The following POC5 variants were observed in gnomAD, a reference collection of about 807,000 sequenced individuals.
POC5 encodes the protein centrosomal protein POC5.
POC5 carries 48 observed loss-of-function variants against 62.9 expected under a neutral mutation model. The observed-to-expected ratio is 0.76, with a 90% CI of 0.61 to 0.97. The LOEUF (loss-of-function observed/expected upper bound fraction) is 0.97, where lower values mean the gene tolerates loss of function less well. Among genes scored for constraint, POC5 ranks in the 50% least tolerant of loss-of-function variants. The pLI, the probability that POC5 is intolerant of heterozygous loss-of-function variation, is 0.00. For synonymous variants in POC5, 236 were observed against 228.2 expected, an observed-to-expected ratio of 1.03 and a Z score of -0.31; for missense variants, 696 against 679.5, an observed-to-expected ratio of 1.02 and a Z score of -0.27.
rs755213651 is a variant in POC5, at chr5:75,690,421, T to C, written c.937A>G (p.Ile313Val). The change falls in exon 8 of 12, where the codon ATC becomes GTC. Residue 313 changes from isoleucine to valine, a missense_variant. Ile to Val is a conservative substitution (Grantham distance 29). Coordinates refer to ENST00000428202, the MANE Select transcript of POC5 (RefSeq NM_001099271.2). ...GCTTCATAATCATTGGAAATCTGGATACAAACTTCTTCAGCTCTTGCTTGA... is the reference window on the plus strand; with the variant it reads ...GCTTCATAATCATTGGAAATCTGGACACAAACTTCTTCAGCTCTTGCTTGA... ...ACQARAEEVC[I>V]QISNDYEAKV... The C allele has an allele frequency of 3.1e-6, 5 of 1,612,186 alleles. No individual in the cohort carries two copies. The highest frequency in any genetic ancestry group is 4.2e-6 in the Non-Finnish European group (5 of 1,179,204).
chr5:75,674,511 G>C lies in POC5; in HGVS notation c.1652C>G (p.Ala551Gly). The C allele has an allele frequency of 6.2e-7, 1 of 1,613,962 alleles. No homozygotes were observed. Residue 551 changes from alanine (A) to glycine (G), a missense_variant, in exon 12 of 12, where the codon GCT becomes GGT. Coordinates refer to ENST00000428202, the MANE Select transcript of POC5 (RefSeq NM_001099271.2). ...RTIHPESSTS[A>G]SRSLGTRSAH... The stretch of plus-strand genomic sequence containing the variant: ...TGATCTGGTTCCAAGTGATCTGGAA[G>C]CTGAGGTACTACTTTCAGGATGAAT...
chr5:75,693,037 A>C (rs1474513342), intron 6 of POC5, among the ~76,000 whole-genome samples: 1 of 148,300 alleles, frequency 6.7e-6, no homozygotes, highest in Non-Finnish European at 1.5e-5. Flanking sequence ...TATATATTAT[A>C]TATGTTATAT....
chr5:75,692,566 T>A, intron 6 of POC5, 66 bp from the exon 7 acceptor site: 1 of 1,155,672 alleles, frequency 8.7e-7, no homozygotes, highest in Admixed American at 2.2e-5. Context: ...AGTGATTTTC[T>A]CATATATCAA....
chr5:75,682,350 G>A (rs1580001922), intron 10 of POC5, among the ~76,000 whole-genome samples: 1 of 152,148 alleles, frequency 6.6e-6, no homozygotes, highest in Non-Finnish European at 1.5e-5. Context: ...CTAGCTCCGC[G>A]TGTGTTAACT....
At chr5:75,682,528 T>TTG (rs1254542298) in intron 10 of POC5, among the ~76,000 whole-genome samples, 2 of 150,432 alleles carry the variant, frequency 1.3e-5, no homozygotes, top group Non-Finnish European at 3.0e-5. Context: ...TTTTTTTTTT[T>TTG]TTTTTGAGAC....
Position 75,702,701 on chromosome 5 carries a change from T to A in POC5, c.417A>T (p.Thr139=). The A allele has an allele frequency of 6.2e-7, 1 of 1,610,868 alleles. No homozygotes were observed. Among genetic ancestry groups the A allele is most frequent in the South Asian group, 1.1e-5 (1 of 90,176 alleles). The change falls in exon 5 of 12, where the codon ACA becomes ACT. Residue 139 remains threonine, a synonymous_variant. Transcript: ENST00000428202. ...SSSPATNSSH[T]DAHEILVSDF... Reference sequence around the variant, plus strand: ...CGCTCACAAGTATTTCATGGGCATCTGTATGACTAGAATTTGTTGCTGGTG... The same window carrying A: ...CGCTCACAAGTATTTCATGGGCATCAGTATGACTAGAATTTGTTGCTGGTG...
At chr5:75,686,292 G>T (rs1328264580) in intron 9 of POC5, among the ~76,000 whole-genome samples, 2 of 152,192 alleles carry the variant, frequency 1.3e-5, no homozygotes, top group African/African-American at 4.8e-5. Context: ...AAACAGTGTG[G>T]TGAGGGTTTA....
intron 3 of POC5, 50 bp downstream of exon 3, chr5:75,707,687 A>C: frequency 7.3e-7 from 1 of 1,367,118 alleles, no homozygotes; most frequent in Non-Finnish European, 1.0e-6. Flanking sequence ...TATCATTAAT[A>C]AACTCAGTAA....
chr5:75,689,842 T>A (rs1241899264), intron 8 of POC5, among the ~76,000 whole-genome samples: 1 of 152,218 alleles, frequency 6.6e-6, no homozygotes, highest in Admixed American at 6.5e-5. Context: ...ATGAAAACAA[T>A]GTTAATTTTA....
At chr5:75,678,385 T>TA (rs1224160500) in intron 10 of POC5, among the ~76,000 whole-genome samples, 21 of 152,052 alleles carry the variant, frequency 1.4e-4, no homozygotes, top group Non-Finnish European at 3.1e-4. Flanking sequence ...AAGTTCCTGT[T>TA]AACTATCACT....
chr5:75,685,647 A>G (rs1276697864), intron 9 of POC5, among the ~76,000 whole-genome samples, 163 bp from the exon 10 acceptor site: 1 of 152,240 alleles, frequency 6.6e-6, no homozygotes, highest in Non-Finnish European at 1.5e-5. Context: ...TGTCAGTATT[A>G]ACTGGTTAAT....
At chr5:75,705,648 T>A in intron 4 of POC5, 56 bp downstream of exon 4, 1 of 1,087,670 alleles carries the variant, frequency 9.2e-7, no homozygotes. Context: ...TAGATAATAT[T>A]CATCAAACCA....
intron 5 of POC5, among the ~76,000 whole-genome samples, chr5:75,698,760 A>G (rs949540708): frequency 6.6e-6 from 1 of 152,096 alleles, no homozygotes; most frequent in East Asian, 1.9e-4. Flanking sequence ...AACCCTTCAA[A>G]AAATTAATGA....
At chr5:75,691,654 G>A (rs1006229232) in intron 7 of POC5, among the ~76,000 whole-genome samples, 5 of 151,550 alleles carry the variant, frequency 3.3e-5, no homozygotes, top group Non-Finnish European at 7.4e-5. Context: ...CTAATCTCTT[G>A]GAAACTAAAT....
At position 75,683,671 on chromosome 5, in the gene POC5, G is replaced by A. The variant is rs553298370; in HGVS notation, c.1407+1536C>T. 3.3e-5 allele frequency among the ~76,000 whole-genome samples: 5 copies of A among 150,794 alleles called. No homozygotes were observed. In the East Asian group the frequency reaches 9.8e-4, roughly 30 times the overall value. ...TTAACAACAGGAGGCTAAGGAGTTAGAGCCACGATGTGCTTCATCTGAAAC... is the reference window on the plus strand; with the variant it reads ...TTAACAACAGGAGGCTAAGGAGTTAAAGCCACGATGTGCTTCATCTGAAAC... On this transcript the variant is annotated intron_variant, in intron 10 of 11. Coordinates refer to ENST00000428202, the MANE Select transcript of POC5 (RefSeq NM_001099271.2).
chr5:75,676,550 GA>G (rs869072192), intron 11 of POC5, among the ~76,000 whole-genome samples: 2 of 150,992 alleles, frequency 1.3e-5, no homozygotes, highest in Non-Finnish European at 3.0e-5. Context: ...TAGTACTCGG[GA>G]AAAAAGGATT....
Position 75,690,498 on chromosome 5 carries a change from A to G in POC5, c.860T>C (p.Val287Ala). The G allele has an allele frequency of 1.2e-6, 2 of 1,605,600 alleles. No homozygotes were observed. The highest frequency in any genetic ancestry group is 4.5e-5 in the East Asian group (2 of 44,808). Reference protein sequence around the residue: ...QRTLLKKVWKVWRSVVQKQWK... With the variant: ...QRTLLKKVWKAWRSVVQKQWK... ...CTGCTTTTGCACTACGGAACGCCAG[A>G]CTTTCCAGACTTTCTTCAGTAAAGT... The change falls in exon 8 of 12, where the codon GTC becomes GCC. Residue 287 changes from valine to alanine, a missense_variant. Physicochemically the swap from Val to Ala is moderately conservative, Grantham distance 64 (BLOSUM62 0). Coordinates refer to ENST00000428202, the MANE Select transcript of POC5 (RefSeq NM_001099271.2).
At chr5:75,705,819 T>G (rs1323231189) in intron 3 of POC5, 32 bp from the exon 4 acceptor site, 4 of 1,320,294 alleles carry the variant, frequency 3.0e-6, no homozygotes, top group East Asian at 2.6e-5. Flanking sequence ...AAAATTAAAC[T>G]GAACCACTCT....
At chr5:75,712,554 G>T in intron 2 of POC5, 1 of 1,137,692 alleles carries the variant, frequency 8.8e-7, no homozygotes, top group Non-Finnish European at 1.3e-6. Flanking sequence ...ATGAGAGGTA[G>T]CTAAAATGAA....
Sources: gnomAD v4.1 joint callset for allele counts (sites outside exome capture counted in the v4.1 genomes callset) on GRCh38, gnomAD v4.1.1 for gene constraint, MANE v1.5 for transcripts, NCBI Gene and HGNC (gene_info 2026-07-23, HGNC 2026-07-21) for gene names.